The following CELA2B variants were observed in gnomAD, a reference collection of about 807,000 sequenced individuals.
The protein encoded by CELA2B is chymotrypsin like elastase 2B, also known as chymotrypsin-like elastase family member 2B.
CELA2B carries 27 observed loss-of-function variants against 36.5 expected under a neutral mutation model. The ratio of observed to expected loss-of-function variants is 0.74; its 90% CI spans 0.55 to 1.02. CELA2B has a LOEUF of 1.02. CELA2B is among the 50% of genes least tolerant of loss of function. The pLI is 0.00. For missense variants in CELA2B, 340 were observed against 347.8 expected (o/e 0.98, Z 0.18); for synonymous variants, 143 against 148.5 (o/e 0.96, Z 0.27).
At chr1:15,489,380 G>A (rs1211046262) in intron 7 of CELA2B, among the ~76,000 whole-genome samples, 3 of 152,372 alleles carry the variant, frequency 2.0e-5, no homozygotes, top group African/African-American at 7.2e-5. Context: ...GTGTTCATGG[G>A]AGAGCAGTCG....
rs762577536 is a variant in CELA2B at position 15,487,335 on chromosome 1, G to A, written c.690G>A (p.Glu230=). 2 of 1,614,258 alleles carry A rather than the reference G, an allele frequency of 1.2e-6. No individual in the cohort carries two copies. The highest frequency in any genetic ancestry group is 1.7e-5 in the Admixed American group (1 of 60,038). The change falls in exon 7 of 8, where the codon GAG becomes GAA. Residue 230 remains glutamate, a synonymous_variant. Transcript: ENST00000375910. ...GTCAGGCATCTGACGGCCGGTGGGA[G>A]GTGCATGGCATCGGCAGCCTCACGT... is the stretch of plus-strand genomic sequence containing the variant. The part of the protein sequence containing the change: ...LNCQASDGRW[E]VHGIGSLTSV...
intron 6 of CELA2B, 43 bp downstream of exon 6, chr1:15,486,089 G>A: frequency 1.3e-6 from 2 of 1,599,460 alleles, no homozygotes; most frequent in Non-Finnish European, 1.7e-6. Context: ...GACAAAATGT[G>A]GCTGGGGATG....
At chr1:15,480,723 G>A (rs1708729774) in intron 2 of CELA2B, among the ~76,000 whole-genome samples, 1 of 152,056 alleles carries the variant, frequency 6.6e-6, no homozygotes, top group Admixed American at 6.6e-5. Context: ...TACCTATGGG[G>A]ATTATGGGAA....
rs770614462 is a variant in CELA2B at position 15,482,385 on chromosome 1, C to A, written c.348C>A (p.Val116=). The A allele has an allele frequency of 3.0e-5, 49 of 1,613,948 alleles. No individual in the cohort carries two copies. The highest frequency in any genetic ancestry group is 4.2e-5 in the Non-Finnish European group (49 of 1,179,992). ...ACAAGGACTGGAACTCCGACCAGGT[C>A]TCCAAAGGGTTCGTTTCTATCTGGG... ...VVHKDWNSDQ[V]SKGNDIALLK... Residue 116 remains valine, a synonymous_variant, in exon 4 of 8, where the codon GTC becomes GTA. Coordinates refer to ENST00000375910, the MANE Select transcript of CELA2B (RefSeq NM_015849.3).
intron 2 of CELA2B, among the ~76,000 whole-genome samples, chr1:15,480,240 G>A (rs1008106059): frequency 6.6e-6 from 1 of 152,088 alleles, no homozygotes; most frequent in African/African-American, 2.4e-5. Context: ...TGTGGAGACG[G>A]CCTCACTCTG....
At chr1:15,486,554 T>C (rs1180469971) in intron 6 of CELA2B, among the ~76,000 whole-genome samples, 1 of 152,232 alleles carries the variant, frequency 6.6e-6, no homozygotes, top group African/African-American at 2.4e-5. Flanking sequence ...CCCATCTCAC[T>C]GCTGGGAAGT....
At chr1:15,488,364 G>A (rs1391464625) in intron 7 of CELA2B, among the ~76,000 whole-genome samples, 11 of 152,150 alleles carry the variant, frequency 7.2e-5, no homozygotes, top group Non-Finnish European at 2.9e-5. Flanking sequence ...TGCAGCCTGA[G>A]CGACATAGCA....
intron 6 of CELA2B, among the ~76,000 whole-genome samples, chr1:15,487,076 G>A (rs1243643225): frequency 5.3e-5 from 8 of 152,224 alleles, no homozygotes; most frequent in African/African-American, 1.4e-4. Flanking sequence ...TTAATGAGAT[G>A]AGGCATAGAA....
chr1:15,485,270 T>C (rs1378193353), intron 5 of CELA2B, among the ~76,000 whole-genome samples: 1 of 152,126 alleles, frequency 6.6e-6, no homozygotes, highest in Non-Finnish European at 1.5e-5. Flanking sequence ...ATAGCTGTGG[T>C]AACAGTAATG....
chr1:15,477,670 TC>T (rs1439488016), intron 2 of CELA2B, among the ~76,000 whole-genome samples: 2 of 152,118 alleles, frequency 1.3e-5, no homozygotes, highest in Non-Finnish European at 2.9e-5. Flanking sequence ...TTACGACTTT[TC>T]CCCCCAATCT....
Position 15,491,148 on chromosome 1 carries a change from T to C in CELA2B, c.793-147T>C, listed in dbSNP as rs377433471. 1.9e-5 allele frequency: 16 copies of C among 839,042 alleles called. No individual in the cohort carries two copies. The East Asian group carries it at 3.9e-4, about 21-fold the overall frequency. 52.0% of individuals were successfully genotyped at this position (839,042 alleles called of 1,614,324 possible). A position where few individuals can be genotyped will look rare whatever the true frequency, so the allele number is the denominator to read the frequency against. Reference sequence around the variant, plus strand: ...GCATCTTTTTCTCCGAAACATCATCTGAACTCCTCAGGCAGGAGCTACTGT... The same window carrying C: ...GCATCTTTTTCTCCGAAACATCATCCGAACTCCTCAGGCAGGAGCTACTGT... On this transcript the variant is annotated intron_variant, in intron 7 of 7. Transcript: ENST00000375910.
chr1:15,485,719 A>G (rs1708795387), intron 5 of CELA2B, 182 bp from the exon 6 acceptor site: 2 of 756,488 alleles, frequency 2.6e-6, no homozygotes, highest in African/African-American at 3.5e-5. Flanking sequence ...TCACTGCTGA[A>G]CCAATCACCA....
At chr1:15,480,053 C>T (rs979461795) in intron 2 of CELA2B, among the ~76,000 whole-genome samples, 2 of 151,974 alleles carry the variant, frequency 1.3e-5, no homozygotes, top group Non-Finnish European at 2.9e-5. Flanking sequence ...GACTTCCATT[C>T]AAAAAGGATC....
At chr1:15,485,790 C>G (rs1708796264) in intron 5 of CELA2B, 111 bp from the exon 6 acceptor site, 1 of 1,325,434 alleles carries the variant, frequency 7.5e-7, no homozygotes, top group African/African-American at 1.5e-5. Flanking sequence ...TGGCTGTTCC[C>G]ATGTTGCAAT....
intron 3 of CELA2B, 35 bp from the exon 4 acceptor site, chr1:15,482,230 G>T (rs1708750068): frequency 6.2e-7 from 1 of 1,611,612 alleles, no homozygotes; most frequent in East Asian, 2.2e-5. Flanking sequence ...CAGGCCTCTG[G>T]AGGTGACCCT....
chr1:15,487,519 AG>A, intron 7 of CELA2B, 82 bp downstream of exon 7: 1 of 1,540,822 alleles, frequency 6.5e-7, no homozygotes, highest in Non-Finnish European at 8.9e-7. Flanking sequence ...CTGGCGACTG[AG>A]AACCCCCTCC....
chr1:15,476,626 T>C, intron 2 of CELA2B, 81 bp downstream of exon 2: 2 of 1,351,004 alleles, frequency 1.5e-6, no homozygotes, highest in South Asian at 1.2e-5. Context: ...CCATGGCGTC[T>C]ATTGTGCTGG....
intron 2 of CELA2B, among the ~76,000 whole-genome samples, chr1:15,477,006 T>G (rs1028842380): frequency 6.6e-6 from 1 of 152,170 alleles, no homozygotes; most frequent in African/African-American, 2.4e-5. Flanking sequence ...GATACATTTC[T>G]GTGGCCTTGG....
At chr1:15,489,048 G>A (rs1023379769) in intron 7 of CELA2B, among the ~76,000 whole-genome samples, 3 of 152,186 alleles carry the variant, frequency 2.0e-5, no homozygotes, top group African/African-American at 4.8e-5. Context: ...GAGGCACCAC[G>A]CACGTCAAAG....
Sources: allele counts gnomAD v4.1 joint callset (sites outside exome capture counted in the v4.1 genomes callset), GRCh38; gene constraint gnomAD v4.1.1; transcripts MANE v1.5; gene names NCBI Gene and HGNC (gene_info 2026-07-23, HGNC 2026-07-21).